TCF4: variants seen among roughly 807,000 people sequenced by gnomAD.
The protein encoded by TCF4 is SL3-3 enhancer factor 2.
Under a neutral mutation model 82.1 loss-of-function variants are expected in TCF4, and 3 were observed. That is an observed-to-expected ratio of 0.04 (90% CI 0.02 to 0.09). The LOEUF is 0.09. Among genes scored for constraint, TCF4 ranks in the 10% least tolerant of loss-of-function variants. TCF4 has a pLI of 1.00. For missense variants in TCF4, 518 were observed against 852.7 expected, an observed-to-expected ratio of 0.61 and a Z score of 4.89; for synonymous variants, 276 against 309.6, an observed-to-expected ratio of 0.89 and a Z score of 1.14.
intron 5 of TCF4, among the ~76,000 whole-genome samples, chr18:55,446,711 G>A (rs892182417): frequency 1.3e-5 from 2 of 152,112 alleles, no homozygotes; most frequent in East Asian, 1.9e-4. Context: ...CAGGCCAGGC[G>A]CGGTGACTCA....
rs2075456506 is a variant in TCF4, at chr18:55,321,423, C to G, written c.549+28936G>C. 1.6e-5 allele frequency: 9 copies of G among 576,902 alleles called. No individual in the cohort carries two copies. The South Asian group carries it at 1.8e-4, about 12-fold the overall frequency. The allele number at this position is 576,902 out of a possible 1,614,324, so 35.7% of individuals were successfully genotyped here. A position where few individuals can be genotyped will look rare whatever the true frequency, so the allele number is the denominator to read the frequency against. On this transcript the variant is annotated intron_variant, in intron 8 of 19. Transcript: ENST00000354452. ...TGACTGCAAACTTTCGCTCTAGGAT[C>G]CACTCTCTAAAGCTCTGAAAGCATC...
chr18:55,353,110 A>G (rs2082656657), intron 6 of TCF4, among the ~76,000 whole-genome samples: 1 of 152,198 alleles, frequency 6.6e-6, no homozygotes. Flanking sequence ...ACCATTGGTT[A>G]ATTCCTCTTG....
intron 1 of TCF4, among the ~76,000 whole-genome samples, chr18:55,632,092 G>A (rs1030940526): frequency 3.3e-4 from 50 of 152,214 alleles, no homozygotes; most frequent in Non-Finnish European, 1.2e-4. Context: ...AGGCTGGAGT[G>A]CAGTGGCACG....
intron 5 of TCF4, among the ~76,000 whole-genome samples, chr18:55,456,136 G>T (rs896238352): frequency 1.3e-5 from 2 of 152,184 alleles, no homozygotes; most frequent in East Asian, 3.9e-4. Context: ...CGGTGGAACC[G>T]AATTATAATG....
chr18:55,260,054 A>C (rs763834617), intron 12 of TCF4, 27 bp from the exon 13 acceptor site: 68 of 1,506,364 alleles, frequency 4.5e-5, no homozygotes, highest in South Asian at 3.8e-4. Flanking sequence ...GAAAAAAAAA[A>C]CACCCTCATT....
At chr18:55,342,330 G>A (rs1421795718) in intron 8 of TCF4, among the ~76,000 whole-genome samples, 2 of 151,880 alleles carry the variant, frequency 1.3e-5, no homozygotes, top group Admixed American at 6.6e-5. Flanking sequence ...CAGATTATAT[G>A]TGCCAATGTC....
At chr18:55,389,184 T>C (rs2092864683) in intron 6 of TCF4, among the ~76,000 whole-genome samples, 1 of 152,154 alleles carries the variant, frequency 6.6e-6, no homozygotes, top group Non-Finnish European at 1.5e-5. Context: ...TTAATTTAAG[T>C]CAAGAAATTT....
intron 3 of TCF4, among the ~76,000 whole-genome samples, chr18:55,484,688 G>T (rs1301670629): frequency 6.6e-6 from 1 of 152,174 alleles, no homozygotes; most frequent in Non-Finnish European, 1.5e-5. Flanking sequence ...GCATATGACT[G>T]TACCCCATGT....
In TCF4 at chr18:55,495,335, T is replaced by G. The variant is rs1309147152; in HGVS notation, c.146-31198A>C. ...GAAAAAAAAAAAAAAAGAAGGTATT[T>G]GAGATACAAAAGTTGGATACTTGGC... On this transcript the variant is annotated intron_variant, in intron 3 of 19. Coordinates refer to ENST00000354452, the MANE Select transcript of TCF4 (RefSeq NM_001083962.2). Among the ~76,000 whole-genome samples, 4 of 151,988 alleles carry G rather than the reference T, an allele frequency of 2.6e-5. No individual in the cohort carries two copies. In the East Asian group the frequency reaches 7.7e-4, roughly 29 times the overall value.
intron 3 of TCF4, among the ~76,000 whole-genome samples, chr18:55,552,248 T>C (rs1215866494): frequency 6.6e-6 from 1 of 152,180 alleles, no homozygotes; most frequent in Admixed American, 6.5e-5. Flanking sequence ...CCAGAAATGA[T>C]GGCTGAAATA....
intron 5 of TCF4, among the ~76,000 whole-genome samples, chr18:55,443,576 A>G (rs1328173666): frequency 2.0e-5 from 3 of 152,180 alleles, no homozygotes; most frequent in East Asian, 1.9e-4. Context: ...AAGAGACCCA[A>G]CAAGGTAGCC....
chr18:55,508,287 C>T (rs1224658578), intron 3 of TCF4, among the ~76,000 whole-genome samples: 4 of 152,216 alleles, frequency 2.6e-5, no homozygotes, highest in African/African-American at 7.2e-5. Context: ...TCCAGGTCTA[C>T]CCGCCCTTTC....
At chr18:55,279,457 C>A in intron 9 of TCF4, 94 bp downstream of exon 9, 1 of 1,577,454 alleles carries the variant, frequency 6.3e-7, no homozygotes, top group Non-Finnish European at 8.7e-7. Flanking sequence ...CTACACTTGC[C>A]TACTATTCCA....
intron 3 of TCF4, among the ~76,000 whole-genome samples, chr18:55,512,466 A>C (rs970965016): frequency 6.6e-6 from 1 of 152,166 alleles, no homozygotes; most frequent in African/African-American, 2.4e-5. Context: ...AACATTGGCT[A>C]TCTCCACAAT....
chr18:55,446,162 C>T, intron 5 of TCF4, among the ~76,000 whole-genome samples: 1 of 152,066 alleles, frequency 6.6e-6, no homozygotes, highest in East Asian at 1.9e-4. Flanking sequence ...CTCTAATGTG[C>T]TGTGTGAGGC....
At chr18:55,490,543 A>C (rs1374900150) in intron 3 of TCF4, among the ~76,000 whole-genome samples, 2 of 152,168 alleles carry the variant, frequency 1.3e-5, no homozygotes, top group African/African-American at 4.8e-5. Context: ...GCAAGTGTTT[A>C]TTATCAACAA....
chr18:55,395,940 C>G (rs78705869), intron 6 of TCF4, among the ~76,000 whole-genome samples: 1 of 152,012 alleles, frequency 6.6e-6, no homozygotes. Flanking sequence ...TTTTCCCCCC[C>G]TTAAGGCTGG....
intron 3 of TCF4, among the ~76,000 whole-genome samples, chr18:55,531,854 A>C (rs1170256427): frequency 6.6e-6 from 1 of 152,230 alleles, no homozygotes; most frequent in Non-Finnish European, 1.5e-5. Flanking sequence ...TAGTCTGATA[A>C]ACATCAGCCA....
intron 3 of TCF4, among the ~76,000 whole-genome samples, chr18:55,499,640 TC>T (rs2096675173): frequency 6.6e-6 from 1 of 152,078 alleles, no homozygotes; most frequent in South Asian, 2.1e-4. Flanking sequence ...TTCTCCAAGC[TC>T]CCCAAGTGAT....
Sources: allele counts gnomAD v4.1 joint callset (sites outside exome capture counted in the v4.1 genomes callset), GRCh38; gene constraint gnomAD v4.1.1; transcripts MANE v1.5; gene names NCBI Gene and HGNC (gene_info 2026-07-23, HGNC 2026-07-21).